Variants in INMT observed in about 807,000 individuals in gnomAD.
INMT encodes amine N-methyltransferase.
Under a neutral mutation model 11.5 loss-of-function variants are expected in INMT, and 11 were observed. That is an observed-to-expected ratio of 0.95 (90% CI 0.60 to 1.58). The LOEUF is 1.58. INMT is among the 40% of genes most tolerant of loss of function. The probability of loss-of-function intolerance (pLI) is 0.00; values close to 1 mark genes in which losing one functional copy is unlikely to be tolerated. For synonymous variants in INMT, 155 were observed against 142.9 expected (o/e 1.08, Z -0.60); for missense variants, 316 against 336.1 (o/e 0.94, Z 0.47).
chr7:30,753,966 T>G, intron 2 of INMT, 28 bp downstream of exon 2: 1 of 1,604,982 alleles, frequency 6.2e-7, no homozygotes, highest in Non-Finnish European at 8.5e-7. Flanking sequence ...GGGGAGGGGG[T>G]TCCCAGTCAA....
Position 30,754,736 on chromosome 7 carries a change from A to C in INMT, c.363-686A>C, listed in dbSNP as rs533076058. Among the ~76,000 whole-genome samples, 6 of 152,034 alleles carry C rather than the reference A, an allele frequency of 3.9e-5. No homozygotes were observed. In the South Asian group the frequency reaches 1.2e-3, roughly 32 times the overall value. On this transcript the variant is annotated intron_variant, in intron 2 of 2. Coordinates refer to ENST00000013222, the MANE Select transcript of INMT (RefSeq NM_006774.5). The surrounding 1 kb of genome is among the most constrained non-coding windows in gnomAD (Gnocchi z 4.9). ...CCATCCATCTTTCCTTCTTCCCTCT[A>C]TTGTCTGTACCTGTGTGACTGACTA...
chr7:30,754,017 T>G lies in INMT; in HGVS notation c.362+79T>G. On this transcript the variant is annotated intron_variant, in intron 2 of 2. Coordinates refer to ENST00000013222, the MANE Select transcript of INMT (RefSeq NM_006774.5). The surrounding 1 kb of genome is among the most constrained non-coding windows in gnomAD (Gnocchi z 4.9). ...GTCTCCCTGGCCTCTTTGTTGTCTC[T>G]GACATTTTCAGGACAGTAGGACCTT... 1.4e-6 allele frequency: 2 copies of G among 1,446,032 alleles called. No homozygotes were observed. The highest frequency in any genetic ancestry group is 1.9e-6 in the Non-Finnish European group (2 of 1,045,962). 89.6% of individuals were successfully genotyped at this position (1,446,032 alleles called of 1,614,324 possible).
chr7:30,752,984 G>C (rs889488424), intron 1 of INMT, among the ~76,000 whole-genome samples: 55 of 152,334 alleles, frequency 3.6e-4, no homozygotes, highest in African/African-American at 1.3e-3. Flanking sequence ...CTGGTGGTCT[G>C]TGGGATAAGA....
In INMT at chr7:30,752,145, G is replaced by A. The variant is rs751254206; in HGVS notation, c.-6G>A. 6.2e-7 allele frequency: 1 copy of A among 1,613,886 alleles called. No individual in the cohort carries two copies. ...TAGCAAGGAGGGGGCACATTTCAGG[G>A]ACACCATGAAGGGTGGCTTCACTGG... On this transcript the variant is annotated 5_prime_UTR_variant, in exon 1 of 3. Transcript: ENST00000013222.
At position 30,753,955 on chromosome 7, in the gene INMT, T is replaced by C; in HGVS notation, c.362+17T>C. The stretch of plus-strand genomic sequence containing the variant: ...AGGAAACAGGTAGGGGTGCAGAGGT[T>C]GGGGAGGGGGTTCCCAGTCAACCTT... On this transcript the variant is annotated intron_variant, in intron 2 of 2. Coordinates refer to ENST00000013222, the MANE Select transcript of INMT (RefSeq NM_006774.5). 6.2e-7 allele frequency: 1 copy of C among 1,610,524 alleles called. No individual in the cohort carries two copies.
rs1474157134 is a variant in INMT, at chr7:30,756,159, T to A, written c.*308T>A. On this transcript the variant is annotated 3_prime_UTR_variant, in exon 3 of 3. Transcript: ENST00000013222. ...ACGTGGTTTTAGAGTCTACCTAATA[T>A]GTTAAGGACAAGGAAACCTCTGAGT... 3 of 1,130,270 alleles carry A rather than the reference T, an allele frequency of 2.7e-6. No homozygotes were observed. The highest frequency in any genetic ancestry group is 4.4e-5 in the Admixed American group (1 of 22,974). 70.0% of individuals were successfully genotyped at this position (1,130,270 alleles called of 1,614,324 possible).
In INMT at chr7:30,753,775, A is replaced by G. The variant is rs1562832334; in HGVS notation, c.199A>G (p.Thr67Ala). The G allele has an allele frequency of 8.1e-6, 13 of 1,614,046 alleles. No homozygotes were observed. Among genetic ancestry groups the G allele is most frequent in the Admixed American group, 1.7e-5 (1 of 60,002 alleles). The change falls in exon 2 of 3, where the codon ACC (threonine) becomes GCC (alanine). Residue 67 changes from threonine (T) to alanine (A), a missense_variant. Transcript: ENST00000013222. ...GCTGATTGACATTGGCTCAGGTCCT[A>G]CCATCTACCAAGTTCTTGCTGCCTG... ...DTLIDIGSGP[T>A]IYQVLAACDS... is the part of the protein sequence containing the mutation.
rs1562832385 is a variant in INMT, at chr7:30,753,820, ACTCT to A, written c.248_251del (p.Leu83ProfsTer15). 6.2e-7 allele frequency: 1 copy of A among 1,613,936 alleles called. No individual in the cohort carries two copies. Among genetic ancestry groups the A allele is most frequent in the Non-Finnish European group, 8.5e-7 (1 of 1,179,994 alleles). ...TGCCTGTGATTCCTTCCAAGACATC[ACTCT>A]CTCCGACTTTACCGACCGCAACCGG... On this transcript the variant is annotated frameshift_variant, in exon 2 of 3. Coordinates refer to ENST00000013222, the MANE Select transcript of INMT (RefSeq NM_006774.5). LOFTEE classifies it high-confidence loss of function.
In INMT at chr7:30,753,834, T is replaced by C; in HGVS notation, c.258T>C (p.Phe86=). ...DSFQDITLSD[F]TDRNREELEK... ...TCCAAGACATCACTCTCTCCGACTTTACCGACCGCAACCGGGAGGAGCTGG... is the reference window on the plus strand; with the variant it reads ...TCCAAGACATCACTCTCTCCGACTTCACCGACCGCAACCGGGAGGAGCTGG... Residue 86 remains phenylalanine (F), a synonymous_variant, in exon 2 of 3, where the codon TTT becomes TTC. Coordinates refer to ENST00000013222, the MANE Select transcript of INMT (RefSeq NM_006774.5). 1.2e-6 allele frequency: 2 copies of C among 1,614,142 alleles called. No individual in the cohort carries two copies. Among genetic ancestry groups the C allele is most frequent in the Non-Finnish European group, 8.5e-7 (1 of 1,180,022 alleles).
chr7:30,754,311 T>C lies in INMT; in HGVS notation c.362+373T>C, dbSNP rs375238334. ...TCCGTCCACCCACCGGTTCATCCAT[T>C]CATCCATCCATCCATCCATCCATCC... is the stretch of plus-strand genomic sequence containing the variant. On this transcript the variant is annotated intron_variant, in intron 2 of 2. Transcript: ENST00000013222. The surrounding 1 kb of genome is among the most constrained non-coding windows in gnomAD (Gnocchi z 4.9). Among the ~76,000 whole-genome samples the C allele has an allele frequency of 6.6e-6, 1 of 151,368 alleles. No individual in the cohort carries two copies. Among genetic ancestry groups the C allele is most frequent in the African/African-American group, 2.4e-5 (1 of 41,156 alleles).
rs1181009833 is a variant in INMT, at chr7:30,753,780, C to A, written c.204C>A (p.Ile68=). The part of the protein sequence containing the change: ...TLIDIGSGPT[I]YQVLAACDSF... Reference sequence around the variant, plus strand: ...TTGACATTGGCTCAGGTCCTACCATCTACCAAGTTCTTGCTGCCTGTGATT... The same window carrying A: ...TTGACATTGGCTCAGGTCCTACCATATACCAAGTTCTTGCTGCCTGTGATT... The change falls in exon 2 of 3, where the codon ATC becomes ATA. Residue 68 remains isoleucine, a synonymous_variant. Transcript: ENST00000013222. 6.8e-6 allele frequency: 11 copies of A among 1,614,116 alleles called. No individual in the cohort carries two copies. In the South Asian group the frequency reaches 1.2e-4, roughly 18 times the overall value.
At chr7:30,752,581 A>C (rs1786111457) in intron 1 of INMT, among the ~76,000 whole-genome samples, 1 of 152,186 alleles carries the variant, frequency 6.6e-6, no homozygotes, top group Non-Finnish European at 1.5e-5. Context: ...GGGGTGGAGC[A>C]GAAAAGGCTC....
rs201521957 is a variant in INMT at position 30,753,881 on chromosome 7, C to T, written c.305C>T (p.Pro102Leu). ...EELEKWLKKE[P>L]GAYDWTPAVK... ...CTGGAAAAGTGGCTGAAGAAGGAGC[C>T]GGGGGCCTATGACTGGACCCCAGCG... Residue 102 changes from proline (P) to leucine (L), a missense_variant, in exon 2 of 3, where the codon CCG becomes CTG. Coordinates refer to ENST00000013222, the MANE Select transcript of INMT (RefSeq NM_006774.5). The T allele has an allele frequency of 1.1e-5, 17 of 1,614,020 alleles. No homozygotes were observed. Among genetic ancestry groups the T allele is most frequent in the South Asian group, 5.5e-5 (5 of 91,086 alleles).
intron 1 of INMT, 92 bp from the exon 2 acceptor site, chr7:30,753,639 T>C (rs1309111295): frequency 1.2e-5 from 14 of 1,191,358 alleles, no homozygotes; most frequent in Non-Finnish European, 1.6e-5. Context: ...CGTTTGCCCC[T>C]TGGGTAAGAC....
In INMT at chr7:30,752,529, C is replaced by T. The variant is rs574297635; in HGVS notation, c.154+225C>T. Among the ~76,000 whole-genome samples, 42 of 152,212 alleles carry T rather than the reference C, an allele frequency of 2.8e-4. 1 individual carries two copies. The highest frequency in any genetic ancestry group is 8.2e-4 in the African/African-American group (34 of 41,516). ...CTGTGCCAGCTGAAGAGCACAGCCC[C>T]GTGCAGTTCCCACACTGCTCTCCAT... On this transcript the variant is annotated intron_variant, in intron 1 of 2. Coordinates refer to ENST00000013222, the MANE Select transcript of INMT (RefSeq NM_006774.5).
intron 1 of INMT, among the ~76,000 whole-genome samples, chr7:30,753,210 G>A (rs571994522): frequency 2.0e-5 from 3 of 152,240 alleles, no homozygotes; most frequent in Admixed American, 6.5e-5. Flanking sequence ...CCTTAGCCCC[G>A]GCTTCCTATT....
In INMT at chr7:30,755,764, C is replaced by T; in HGVS notation, c.705C>T (p.Leu235=). 6.2e-7 allele frequency: 1 copy of T among 1,614,184 alleles called. No individual in the cohort carries two copies. The highest frequency in any genetic ancestry group is 8.5e-7 in the Non-Finnish European group (1 of 1,180,024). The change falls in exon 3 of 3, where the codon CTC becomes CTT. Residue 235 remains leucine (L), a synonymous_variant. Transcript: ENST00000013222. ...ATGCTGGCTTTGACATTGAACAGCT[C>T]CTACACAGTCCCCAGAGCTACTCTG... ...VLDAGFDIEQ[L]LHSPQSYSVT...
In INMT at chr7:30,757,212, T is replaced by C. The variant is rs7800792; in HGVS notation, c.*1361T>C. ...CACAGGCACACACCTCCACTTGTTA[T>C]ATAACCTGTTTGTGTAAGTTCATAC... On this transcript the variant is annotated 3_prime_UTR_variant, in exon 3 of 3. Transcript: ENST00000013222. 1,241 of 160,042 alleles carry C rather than the reference T, an allele frequency of 7.8e-3. 16 individuals carry two copies. The highest frequency in any genetic ancestry group is 0.028 in the African/African-American group (1,152 of 41,646). 9.9% of individuals were successfully genotyped at this position (160,042 alleles called of 1,614,324 possible).
Position 30,754,388 on chromosome 7 carries a change from CAA to C in INMT, c.362+451_362+452del, listed in dbSNP as rs1411320836. Among the ~76,000 whole-genome samples, 1 of 150,616 alleles carries C rather than the reference CAA, an allele frequency of 6.6e-6. No homozygotes were observed. Among genetic ancestry groups the C allele is most frequent in the Non-Finnish European group, 1.5e-5 (1 of 67,654 alleles). On this transcript the variant is annotated intron_variant, in intron 2 of 2. Coordinates refer to ENST00000013222, the MANE Select transcript of INMT (RefSeq NM_006774.5). This position sits in a 1 kb window ranked among gnomAD's most constrained non-coding sequence, Gnocchi z 4.9. ...ATATCCATCCATCCATCCAGCCAGC[CAA>C]CTAGCCGTTCACCTATCCATCCATC...
Sources: gnomAD v4.1 joint callset for allele counts (sites outside exome capture counted in the v4.1 genomes callset) on GRCh38, gnomAD v4.1.1 for gene constraint, Gnocchi (gnomAD v3.1) non-coding constraint, MANE v1.5 for transcripts, NCBI Gene and HGNC (gene_info 2026-07-23, HGNC 2026-07-21) for gene names.